DAW1: variants seen among roughly 807,000 people sequenced by gnomAD.
DAW1 encodes the protein dynein assembly factor with WD repeats 1.
A neutral mutation model predicts 56.5 loss-of-function variants in DAW1; 47 were observed. The ratio of observed to expected loss-of-function variants is 0.83; its 90% CI spans 0.66 to 1.06. The LOEUF (loss-of-function observed/expected upper bound fraction) is 1.06, where lower values mean the gene tolerates loss of function less well. Ranked by LOEUF, DAW1 falls within the 50% of genes least tolerant of loss-of-function variation. The probability of loss-of-function intolerance (pLI) is 0.00; values close to 1 mark genes in which losing one functional copy is unlikely to be tolerated. For missense variants in DAW1, 505 were observed against 499.3 expected, an observed-to-expected ratio of 1.01 and a Z score of -0.11; for synonymous variants, 190 against 179.0, an observed-to-expected ratio of 1.06 and a Z score of -0.49.
intron 2 of DAW1, among the ~76,000 whole-genome samples, chr2:227,887,970 A>T (rs759191310): frequency 6.6e-6 from 1 of 152,138 alleles, no homozygotes; most frequent in Non-Finnish European, 1.5e-5. Flanking sequence ...ATCTGTTTTT[A>T]TATAAGTTGT....
At chr2:227,881,286 A>T (rs1374094103) in intron 1 of DAW1, among the ~76,000 whole-genome samples, 1 of 152,214 alleles carries the variant, frequency 6.6e-6, no homozygotes, top group Non-Finnish European at 1.5e-5. Flanking sequence ...ATACTAGGTA[A>T]CGGCAGGCAC....
intron 4 of DAW1, among the ~76,000 whole-genome samples, chr2:227,892,167 TTG>T (rs771849879): frequency 1.3e-5 from 2 of 151,724 alleles, no homozygotes; most frequent in Non-Finnish European, 1.5e-5. Flanking sequence ...AGTTTCACTC[TTG>T]TTGCTCAGGC....
chr2:227,886,737 A>G (rs576126441), intron 2 of DAW1, among the ~76,000 whole-genome samples: 7 of 152,224 alleles, frequency 4.6e-5, no homozygotes, highest in Non-Finnish European at 8.8e-5. Context: ...ACTTCAGGCT[A>G]GGAGTTTGAG....
intron 12 of DAW1, among the ~76,000 whole-genome samples, chr2:227,921,979 C>T (rs902325443): frequency 1.3e-5 from 2 of 152,128 alleles, no homozygotes; most frequent in African/African-American, 4.8e-5. Context: ...TAGTGAGACC[C>T]CGTCTCTACA....
intron 7 of DAW1, 95 bp from the exon 8 acceptor site, chr2:227,904,834 C>A: frequency 2.5e-6 from 3 of 1,201,070 alleles, no homozygotes; most frequent in Non-Finnish European, 3.5e-6. Context: ...TAGAGCTCGG[C>A]CTTCTCCAGC....
chr2:227,896,121 G>A (rs904790174), intron 5 of DAW1, among the ~76,000 whole-genome samples: 4 of 152,150 alleles, frequency 2.6e-5, no homozygotes, highest in South Asian at 2.1e-4. Flanking sequence ...AAGTGATTAA[G>A]CGTTCCAATT....
At position 227,913,042 on chromosome 2, in the gene DAW1, TA is replaced by T. The variant is rs574270276; in HGVS notation, c.974-5737del. Among the ~76,000 whole-genome samples, 529 of 152,318 alleles carry T rather than the reference TA, an allele frequency of 3.5e-3. 2 individuals are homozygous for T. The highest frequency in any genetic ancestry group is 0.012 in the African/African-American group (495 of 41,584). ...TTGGCAAGCATGTATATTGCTAAAC[TA>T]TTTCTCTGTCATCTCCTTTACAATC... is the stretch of plus-strand genomic sequence containing the variant. On this transcript the variant is annotated intron_variant, in intron 10 of 12. Coordinates refer to ENST00000309931, the MANE Select transcript of DAW1 (RefSeq NM_178821.3).
Position 227,893,928 on chromosome 2 carries a change from C to T in DAW1, c.440+11C>T, listed in dbSNP as rs765776853. On this transcript the variant is annotated intron_variant, in intron 5 of 12. Coordinates refer to ENST00000309931, the MANE Select transcript of DAW1 (RefSeq NM_178821.3). ...CAACAATCCTTACGGGTGTGTTCAT[C>T]CCTTCACTTATTTGTTTATTAATTC... 1 of 1,569,762 alleles carries T rather than the reference C, an allele frequency of 6.4e-7. No individual in the cohort carries two copies. The highest frequency in any genetic ancestry group is 8.6e-7 in the Non-Finnish European group (1 of 1,161,114).
chr2:227,919,803 G>A (rs1181395705), intron 11 of DAW1, among the ~76,000 whole-genome samples: 1 of 152,168 alleles, frequency 6.6e-6, no homozygotes, highest in Non-Finnish European at 1.5e-5. Context: ...TTGGTTCCCT[G>A]TCTGAGATCA....
Position 227,903,123 on chromosome 2 carries a change from G to A in DAW1, c.648+14G>A. 1 of 1,606,204 alleles carries A rather than the reference G, an allele frequency of 6.2e-7. No individual in the cohort carries two copies. The highest frequency in any genetic ancestry group is 8.5e-7 in the Non-Finnish European group (1 of 1,173,048). On this transcript the variant is annotated intron_variant, in intron 7 of 12. Coordinates refer to ENST00000309931, the MANE Select transcript of DAW1 (RefSeq NM_178821.3). ...TACACCTTAAGAGTATGTCAATAAT[G>A]TTAATAAGCCTGTTATTTGTGTTCA...
At chr2:227,922,482 A>G (rs1034218171) in intron 12 of DAW1, among the ~76,000 whole-genome samples, 5 of 152,208 alleles carry the variant, frequency 3.3e-5, no homozygotes, top group East Asian at 1.9e-4. Context: ...GGGTGCCACA[A>G]TAGTGTGGAG....
chr2:227,903,602 C>T (rs886307881), intron 7 of DAW1, among the ~76,000 whole-genome samples: 2 of 152,000 alleles, frequency 1.3e-5, no homozygotes, highest in African/African-American at 4.8e-5. Context: ...TTGTGTGTCA[C>T]CACCATGTGC....
intron 10 of DAW1, among the ~76,000 whole-genome samples, chr2:227,918,467 T>G (rs1317798887): frequency 1.3e-5 from 2 of 152,144 alleles, no homozygotes; most frequent in African/African-American, 4.8e-5. Context: ...CTCTTGAAAC[T>G]TGCTCTAATT....
intron 10 of DAW1, among the ~76,000 whole-genome samples, chr2:227,909,273 T>TATCTATCTGTCC (rs1691763332): frequency 7.2e-6 from 1 of 139,034 alleles, no homozygotes; most frequent in Non-Finnish European, 1.6e-5. Context: ...TCTATCTATC[T>TATCTATCTGTCC]GTCTGTCTGT....
chr2:227,918,175 C>CATCCATCCATCCATCCATCCAT (rs1692014432), intron 10 of DAW1, among the ~76,000 whole-genome samples: 62 of 50,592 alleles, frequency 1.2e-3, no homozygotes, highest in East Asian at 2.5e-3. Context: ...CATCCATCAT[C>CATCCATCCATCCATCCATCCAT]CATCCATCCA....
chr2:227,873,259 A>G (rs1222573172), intron 1 of DAW1, among the ~76,000 whole-genome samples: 1 of 152,230 alleles, frequency 6.6e-6, no homozygotes, highest in Non-Finnish European at 1.5e-5. Context: ...TATGCCATAA[A>G]GTGCTTAAAA....
Position 227,897,175 on chromosome 2 carries a change from C to T in DAW1, c.441-1007C>T, listed in dbSNP as rs533272869. ...GACATCAGCAGCTGAAGTAAAATGC[C>T]CTGGGCTGGAAACCAGAGGAGAAAG... On this transcript the variant is annotated intron_variant, in intron 5 of 12. Coordinates refer to ENST00000309931, the MANE Select transcript of DAW1 (RefSeq NM_178821.3). Among the ~76,000 whole-genome samples, 5 of 151,374 alleles carry T rather than the reference C, an allele frequency of 3.3e-5. 1 individual carries two copies. The highest frequency in any genetic ancestry group is 1.2e-4 in the African/African-American group (5 of 41,234).
Position 227,885,783 on chromosome 2 carries a change from C to A in DAW1, c.113+360C>A, listed in dbSNP as rs559947117. 3.9e-5 allele frequency among the ~76,000 whole-genome samples: 6 copies of A among 152,214 alleles called. No individual in the cohort carries two copies. The East Asian group carries it at 1.2e-3, about 29-fold the overall frequency. ...TTAGGATTAATGAACCAGTATGATA[C>A]ATAATTATTAGCTAAGGCCCACTTT... On this transcript the variant is annotated intron_variant, in intron 2 of 12. Transcript: ENST00000309931.
chr2:227,889,876 T>C lies in DAW1; in HGVS notation c.134T>C (p.Val45Ala), dbSNP rs1691220105. 6.2e-7 allele frequency: 1 copy of C among 1,601,720 alleles called. No homozygotes were observed. The highest frequency in any genetic ancestry group is 8.5e-7 in the Non-Finnish European group (1 of 1,176,338). The change falls in exon 3 of 13, where the codon GTA becomes GCA. Residue 45 changes from valine to alanine, a missense_variant. Physicochemically the swap from Val to Ala is moderately conservative, Grantham distance 64. Coordinates refer to ENST00000309931, the MANE Select transcript of DAW1 (RefSeq NM_178821.3). ...TTCAGCACTGATGTCAGTGCGTTAG[T>C]AGAAGAAATCCAGAAGGCAGAACCT... Reference protein sequence around the residue: ...LGPSTDVSALVEEIQKAEPLL... With the variant: ...LGPSTDVSALAEEIQKAEPLL...
Sources: gnomAD v4.1 joint callset for allele counts (sites outside exome capture counted in the v4.1 genomes callset) on GRCh38, gnomAD v4.1.1 for gene constraint, MANE v1.5 for transcripts, NCBI Gene and HGNC (gene_info 2026-07-23, HGNC 2026-07-21) for gene names.